The following CPPED1 variants were observed in gnomAD, a reference collection of about 807,000 sequenced individuals.
The protein encoded by CPPED1 is calcineurin like phosphoesterase domain containing 1.
In CPPED1, 28 loss-of-function variants were observed where a neutral mutation model predicts 28.0. The observed-to-expected ratio is 1.00, with a 90% confidence interval of 0.74 to 1.37. CPPED1 has a LOEUF of 1.37. Among genes scored for constraint, CPPED1 ranks in the 40% most tolerant of loss-of-function variants. The pLI is 0.00. For synonymous variants in CPPED1, 198 were observed against 180.2 expected (o/e 1.10, Z -0.79); for missense variants, 504 against 416.5 (o/e 1.21, Z -1.83).
At chr16:12,672,915 G>A (rs980333702) in intron 3 of CPPED1, among the ~76,000 whole-genome samples, 1 of 152,180 alleles carries the variant, frequency 6.6e-6, no homozygotes, top group Non-Finnish European at 1.5e-5. Context: ...TTGGGAGGCT[G>A]AGGCATAAGA....
intron 3 of CPPED1, among the ~76,000 whole-genome samples, chr16:12,701,463 G>A (rs1042731796): frequency 6.6e-6 from 1 of 152,166 alleles, no homozygotes; most frequent in Non-Finnish European, 1.5e-5. Context: ...GAACTTGGGA[G>A]GTGGAGGAGG....
intron 1 of CPPED1, among the ~76,000 whole-genome samples, chr16:12,782,842 G>T (rs971392504): frequency 1.6e-4 from 24 of 152,198 alleles, no homozygotes; most frequent in African/African-American, 5.5e-4. Flanking sequence ...CTGCACTCCA[G>T]CCTGGGTGAC....
intron 2 of CPPED1, among the ~76,000 whole-genome samples, chr16:12,747,204 C>T (rs143492607): frequency 4.0e-5 from 6 of 151,734 alleles, no homozygotes; most frequent in Admixed American, 1.3e-4. Context: ...CTGAGGTGGG[C>T]GGATTGCTTG....
intron 2 of CPPED1, among the ~76,000 whole-genome samples, chr16:12,725,466 T>C (rs1272685212): frequency 2.6e-5 from 4 of 152,186 alleles, no homozygotes. Flanking sequence ...AGGCTTTTAT[T>C]TTTTTCACAC....
At chr16:12,720,904 T>C (rs866879741) in intron 2 of CPPED1, among the ~76,000 whole-genome samples, 25 of 152,338 alleles carry the variant, frequency 1.6e-4, no homozygotes, top group Non-Finnish European at 8.8e-5. Flanking sequence ...GTTAAACTGT[T>C]TTGGCATGGG....
chr16:12,753,009 G>A (rs892100597), intron 2 of CPPED1: 20 of 151,940 alleles, frequency 1.3e-4, no homozygotes, highest in African/African-American at 3.9e-4. Context: ...ACTGAAGACC[G>A]ATAGCAAAAT....
chr16:12,797,154 A>G (rs2080632270), intron 1 of CPPED1, among the ~76,000 whole-genome samples: 2 of 152,184 alleles, frequency 1.3e-5, no homozygotes, highest in Admixed American at 1.3e-4. Flanking sequence ...GAGATGTGCT[A>G]AAGTTAGATT....
chr16:12,716,767 C>A (rs748416273), intron 2 of CPPED1, among the ~76,000 whole-genome samples: 11 of 152,192 alleles, frequency 7.2e-5, no homozygotes, highest in African/African-American at 1.4e-4. Flanking sequence ...ATTCAATGCA[C>A]CCCTGCTACC....
At chr16:12,797,125 C>G (rs1005947588) in intron 1 of CPPED1, among the ~76,000 whole-genome samples, 3 of 152,142 alleles carry the variant, frequency 2.0e-5, no homozygotes, top group Admixed American at 6.5e-5. Context: ...GGGTATAAAA[C>G]CACTTTTTTG....
intron 3 of CPPED1, among the ~76,000 whole-genome samples, chr16:12,669,744 C>T (rs1186234919): frequency 1.3e-5 from 2 of 152,152 alleles, no homozygotes; most frequent in South Asian, 2.1e-4. Flanking sequence ...GATCTGGCTT[C>T]CTAGTAAGGA....
At chr16:12,755,125 G>C (rs1477321853) in intron 2 of CPPED1, among the ~76,000 whole-genome samples, 1 of 152,084 alleles carries the variant, frequency 6.6e-6, no homozygotes, top group Non-Finnish European at 1.5e-5. Context: ...TTTCCTCCTG[G>C]ACATAAAGTG....
rs371523609 is a variant in CPPED1, at chr16:12,705,042, C to T, written c.297G>A (p.Pro99=). The change falls in exon 3 of 4, where the codon CCG becomes CCA. Residue 99 remains proline, a synonymous_variant. Coordinates refer to ENST00000381774, the MANE Select transcript of CPPED1 (RefSeq NM_018340.3). ...GDLIHAMPGK[P]WRTEQTEDLK... ...GGTCCTCCGTCTGCTCCGTCCGCCA[C>T]GGCTTCCCTGGAAGAGTGAGGGTCA... is the stretch of plus-strand genomic sequence containing the variant. The T allele has an allele frequency of 4.1e-5, 66 of 1,606,244 alleles. No individual in the cohort carries two copies. Among genetic ancestry groups the T allele is most frequent in the Middle Eastern group, 1.7e-4 (1 of 6,040 alleles).
intron 2 of CPPED1, among the ~76,000 whole-genome samples, chr16:12,735,974 A>G (rs2141208170): frequency 6.6e-6 from 1 of 152,288 alleles, no homozygotes; most frequent in African/African-American, 2.4e-5. Flanking sequence ...ATGGGCCGTC[A>G]CTTTAGTCCA....
chr16:12,716,532 A>C (rs544967109), intron 2 of CPPED1, among the ~76,000 whole-genome samples: 1 of 152,342 alleles, frequency 6.6e-6, no homozygotes, highest in African/African-American at 2.4e-5. Flanking sequence ...TTTTACTTTA[A>C]GATTCCATGC....
intron 1 of CPPED1, among the ~76,000 whole-genome samples, chr16:12,799,271 A>C (rs2080644913): frequency 6.8e-6 from 1 of 146,602 alleles, no homozygotes; most frequent in Admixed American, 6.9e-5. Context: ...TTTGAGACAC[A>C]GTCATCACTC....
chr16:12,677,474 A>C (rs952689657), intron 3 of CPPED1, among the ~76,000 whole-genome samples: 3 of 152,200 alleles, frequency 2.0e-5, no homozygotes, highest in African/African-American at 7.2e-5. Flanking sequence ...CCCTGTCTCT[A>C]CTAAAAATAC....
chr16:12,723,352 C>T (rs531312760), intron 2 of CPPED1, among the ~76,000 whole-genome samples: 1 of 152,270 alleles, frequency 6.6e-6, no homozygotes, highest in South Asian at 2.1e-4. Context: ...ATTTGAAGTC[C>T]TGACCCCAGT....
chr16:12,715,873 T>C (rs1434575101), intron 2 of CPPED1, among the ~76,000 whole-genome samples: 1 of 152,176 alleles, frequency 6.6e-6, no homozygotes, highest in African/African-American at 2.4e-5. Context: ...GCAGCCCGTA[T>C]GCAGCCCAGG....
In CPPED1 at chr16:12,664,884, C is replaced by A; in HGVS notation, c.*2G>T. 4 of 1,605,956 alleles carry A rather than the reference C, an allele frequency of 2.5e-6. No individual in the cohort carries two copies. Among genetic ancestry groups the A allele is most frequent in the Non-Finnish European group, 3.4e-6 (4 of 1,177,248 alleles). ...AAAAGTGAACGGGAACGGGAAGGAG[C>A]GTCATTTTTTCTTGATCAAATCCAT... is the stretch of plus-strand genomic sequence containing the variant. On this transcript the variant is annotated 3_prime_UTR_variant, in exon 4 of 4. Transcript: ENST00000381774. This position sits in a 1 kb window ranked among gnomAD's most constrained non-coding sequence, Gnocchi z 4.2.
Sources: gnomAD v4.1 joint callset for allele counts (sites outside exome capture counted in the v4.1 genomes callset) on GRCh38, gnomAD v4.1.1 for gene constraint, Gnocchi (gnomAD v3.1) non-coding constraint, MANE v1.5 for transcripts, NCBI Gene and HGNC (gene_info 2026-07-23, HGNC 2026-07-21) for gene names.